CADM2: variants seen among roughly 807,000 people sequenced by gnomAD.
CADM2 encodes the protein cell adhesion molecule 2.
CADM2 carries 12 observed loss-of-function variants against 49.8 expected under a neutral mutation model. That is an observed-to-expected ratio of 0.24 (90% CI 0.15 to 0.39). CADM2 has a LOEUF of 0.39. CADM2 is among the 10% of genes least tolerant of loss of function. The probability of loss-of-function intolerance (pLI) is 1.00; values close to 1 mark genes in which losing one functional copy is unlikely to be tolerated. For missense variants in CADM2, 378 were observed against 492.3 expected (o/e 0.77, Z 2.20); for synonymous variants, 214 against 175.4 (o/e 1.22, Z -1.74).
chr3:85,745,181 A>G (rs1400978457), intron 2 of CADM2, among the ~76,000 whole-genome samples: 1 of 152,160 alleles, frequency 6.6e-6, no homozygotes, highest in Non-Finnish European at 1.5e-5. Flanking sequence ...GTGGCTTTTG[A>G]TGTTATTACT....
At chr3:86,014,447 G>T (rs1266291972) in intron 8 of CADM2, 2 of 1,492,680 alleles carry the variant, frequency 1.3e-6, no homozygotes, top group Non-Finnish European at 1.8e-6. Context: ...TTTGGTTTGA[G>T]GAAGCCACAA....
intron 1 of CADM2, among the ~76,000 whole-genome samples, chr3:85,561,224 CTATT>C (rs1031711137): frequency 6.2e-5 from 7 of 112,978 alleles, no homozygotes; most frequent in African/African-American, 1.8e-4. Context: ...TTGTCTGTGA[CTATT>C]TAACAGTTTA....
At chr3:85,001,071 AGTT>A (rs1245386787) in intron 1 of CADM2, among the ~76,000 whole-genome samples, 1 of 152,066 alleles carries the variant, frequency 6.6e-6, no homozygotes, top group African/African-American at 2.4e-5. Flanking sequence ...TAACTTGTTC[AGTT>A]GTTGGGGTTT....
At chr3:85,775,769 A>T (rs2070331139) in intron 2 of CADM2, among the ~76,000 whole-genome samples, 1 of 151,876 alleles carries the variant, frequency 6.6e-6, no homozygotes, top group African/African-American at 2.4e-5. Context: ...ATGAAAAAGG[A>T]ATTATACTCT....
intron 1 of CADM2, among the ~76,000 whole-genome samples, chr3:85,634,445 T>C (rs1191658673): frequency 6.6e-6 from 1 of 152,048 alleles, no homozygotes; most frequent in Non-Finnish European, 1.5e-5. Flanking sequence ...GTAAAAGAAG[T>C]ATATATAATT....
intron 1 of CADM2, among the ~76,000 whole-genome samples, chr3:85,529,727 C>A (rs1020449035): frequency 6.6e-6 from 1 of 152,022 alleles, no homozygotes; most frequent in Non-Finnish European, 1.5e-5. Context: ...CTGCCCTCAG[C>A]ATTTGGAACG....
intron 1 of CADM2, among the ~76,000 whole-genome samples, chr3:85,060,814 A>G (rs775859672): frequency 4.4e-4 from 67 of 152,294 alleles, no homozygotes; most frequent in Non-Finnish European, 7.9e-4. Flanking sequence ...AAGAAAATCA[A>G]TGATCAAACT....
chr3:85,106,029 G>A (rs1001200390), intron 1 of CADM2, among the ~76,000 whole-genome samples: 1 of 151,990 alleles, frequency 6.6e-6, no homozygotes, highest in South Asian at 2.1e-4. Context: ...CACCAGCATG[G>A]CACATGTATA....
At chr3:85,802,671 A>G (rs1249543446) in intron 3 of CADM2, among the ~76,000 whole-genome samples, 1 of 152,130 alleles carries the variant, frequency 6.6e-6, no homozygotes, top group Non-Finnish European at 1.5e-5. Flanking sequence ...GAAGTATTTC[A>G]TGTTTCCAAA....
intron 1 of CADM2, among the ~76,000 whole-genome samples, chr3:85,536,314 T>G (rs2061420311): frequency 1.3e-5 from 2 of 151,934 alleles, no homozygotes; most frequent in Non-Finnish European, 2.9e-5. Context: ...AAACACTGAA[T>G]AGACCAATAA....
intron 1 of CADM2, among the ~76,000 whole-genome samples, chr3:85,294,761 C>T (rs1222983899): frequency 9.2e-5 from 14 of 151,982 alleles, no homozygotes; most frequent in Non-Finnish European, 2.1e-4. Flanking sequence ...AACTGGATCC[C>T]TTCCTTACAC....
At chr3:85,655,058 C>G (rs918345113) in intron 1 of CADM2, among the ~76,000 whole-genome samples, 3 of 152,062 alleles carry the variant, frequency 2.0e-5, no homozygotes, top group African/African-American at 7.2e-5. Flanking sequence ...TGTAAGGATT[C>G]TTATGCTTTA....
At chr3:85,506,786 T>G (rs1349449752) in intron 1 of CADM2, among the ~76,000 whole-genome samples, 5 of 152,160 alleles carry the variant, frequency 3.3e-5, no homozygotes, top group African/African-American at 1.2e-4. Flanking sequence ...TCATGAAAGA[T>G]GAAATACTGG....
At chr3:85,276,548 C>G (rs1193286522) in intron 1 of CADM2, among the ~76,000 whole-genome samples, 1 of 151,230 alleles carries the variant, frequency 6.6e-6, no homozygotes, top group Non-Finnish European at 1.5e-5. Flanking sequence ...GATTTTCCCA[C>G]TTAGCAAAAC....
At chr3:85,107,013 G>T (rs2038252624) in intron 1 of CADM2, among the ~76,000 whole-genome samples, 1 of 152,104 alleles carries the variant, frequency 6.6e-6, no homozygotes, top group South Asian at 2.1e-4. Flanking sequence ...AAGAAAAAGT[G>T]GGACAGGGAG....
chr3:85,880,977 A>T (rs371015567), intron 3 of CADM2, among the ~76,000 whole-genome samples: 4 of 152,270 alleles, frequency 2.6e-5, no homozygotes, highest in East Asian at 1.9e-4. Context: ...ATACCCTTTT[A>T]GTCCCACTCT....
At chr3:85,094,381 C>T (rs970962398) in intron 1 of CADM2, among the ~76,000 whole-genome samples, 1 of 151,884 alleles carries the variant, frequency 6.6e-6, no homozygotes, top group Non-Finnish European at 1.5e-5. Flanking sequence ...TTCTGCTGAC[C>T]AACCATTTTA....
intron 1 of CADM2, among the ~76,000 whole-genome samples, chr3:85,243,389 G>A (rs537386213): frequency 6.6e-6 from 1 of 152,068 alleles, no homozygotes; most frequent in South Asian, 2.1e-4. Context: ...GTAAGAAAAT[G>A]TGATGTAAGT....
intron 1 of CADM2, among the ~76,000 whole-genome samples, chr3:84,999,980 A>G (rs985767086): frequency 6.6e-6 from 1 of 152,156 alleles, no homozygotes; most frequent in African/African-American, 2.4e-5. Context: ...AATTTCCTAT[A>G]AAATATTTCT....
Sources: allele counts gnomAD v4.1 joint callset (sites outside exome capture counted in the v4.1 genomes callset), GRCh38; gene constraint gnomAD v4.1.1; transcripts MANE v1.5; gene names NCBI Gene and HGNC (gene_info 2026-07-23, HGNC 2026-07-21).